The following SGCZ variants were observed in gnomAD, a reference collection of about 807,000 sequenced individuals.
SGCZ encodes zeta-sarcoglycan.
In SGCZ, 40 loss-of-function variants were observed where a neutral mutation model predicts 41.3. That is an observed-to-expected ratio of 0.97 (90% CI 0.75 to 1.26). SGCZ has a LOEUF of 1.26. Among genes scored for constraint, SGCZ ranks in the 50% most tolerant of loss-of-function variants. SGCZ has a pLI of 0.00. For missense variants in SGCZ, 552 were observed against 369.8 expected (o/e 1.49, Z -4.04); for synonymous variants, 206 against 137.5 (o/e 1.50, Z -3.49).
chr8:14,950,403 C>G (rs1467539489), intron 1 of SGCZ, among the ~76,000 whole-genome samples: 1 of 151,568 alleles, frequency 6.6e-6, no homozygotes, highest in Non-Finnish European at 1.5e-5. Flanking sequence ...GTTGTTCAGT[C>G]TTCTCCCCTC....
intron 3 of SGCZ, among the ~76,000 whole-genome samples, chr8:14,304,683 G>A (rs1024503803): frequency 5.3e-5 from 8 of 152,148 alleles, no homozygotes; most frequent in Non-Finnish European, 8.8e-5. Context: ...CTATGGTAAT[G>A]CATTATTCGT....
At chr8:15,197,102 C>G (rs1298363942) in intron 1 of SGCZ, among the ~76,000 whole-genome samples, 1 of 152,198 alleles carries the variant, frequency 6.6e-6, no homozygotes, top group African/African-American at 2.4e-5. Context: ...AGTTCAGATT[C>G]AAGGGGTAGG....
At chr8:15,029,556 A>G (rs1244809521) in intron 1 of SGCZ, among the ~76,000 whole-genome samples, 3 of 152,110 alleles carry the variant, frequency 2.0e-5, no homozygotes, top group African/African-American at 7.2e-5. Context: ...GTTAACTACA[A>G]TTTTGAAACA....
At chr8:15,223,353 A>ATG in intron 1 of SGCZ, among the ~76,000 whole-genome samples, 1 of 152,302 alleles carries the variant, frequency 6.6e-6, no homozygotes, top group East Asian at 1.9e-4. Flanking sequence ...TATCACTTCA[A>ATG]AAGTTGGCTT....
intron 1 of SGCZ, among the ~76,000 whole-genome samples, chr8:14,935,050 G>A (rs1800040962): frequency 6.7e-6 from 1 of 149,628 alleles, no homozygotes; most frequent in African/African-American, 2.5e-5. Context: ...GGTGAAAACT[G>A]AGATGATTTC....
chr8:14,513,106 C>T (rs1802513177), intron 2 of SGCZ, among the ~76,000 whole-genome samples: 1 of 152,080 alleles, frequency 6.6e-6, no homozygotes, highest in Non-Finnish European at 1.5e-5. Context: ...TGCAGTGGTG[C>T]AATCAAGCTC....
At chr8:15,095,638 A>G (rs1463979059) in intron 1 of SGCZ, among the ~76,000 whole-genome samples, 2 of 151,968 alleles carry the variant, frequency 1.3e-5, no homozygotes, top group Non-Finnish European at 2.9e-5. Context: ...CATTCTTGCA[A>G]TTGTTTTCTG....
At chr8:14,629,760 G>T (rs1459065873) in intron 1 of SGCZ, among the ~76,000 whole-genome samples, 1 of 152,108 alleles carries the variant, frequency 6.6e-6, no homozygotes, top group Non-Finnish European at 1.5e-5. Context: ...ATGGGTTTAT[G>T]AGCGTAACAA....
intron 1 of SGCZ, among the ~76,000 whole-genome samples, chr8:14,665,000 T>A (rs1807862545): frequency 6.6e-6 from 1 of 152,168 alleles, no homozygotes; most frequent in Non-Finnish European, 1.5e-5. Context: ...GGTGGGGGAA[T>A]AAATGGCATT....
At chr8:15,019,666 GAGC>G (rs1203080637) in intron 1 of SGCZ, among the ~76,000 whole-genome samples, 1 of 151,682 alleles carries the variant, frequency 6.6e-6, no homozygotes, top group African/African-American at 2.4e-5. Flanking sequence ...CTCACTCTGA[GAGC>G]AGTGCAGTCA....
intron 4 of SGCZ, among the ~76,000 whole-genome samples, chr8:14,166,916 A>G (rs10102785): frequency 0.76 from 116,181 of 152,006 alleles, 45,463 homozygotes; most frequent in Middle Eastern, 0.86. Context: ...CATCTAAGCC[A>G]TAAATAAATG....
chr8:14,873,943 A>G (rs1178389842), intron 1 of SGCZ, among the ~76,000 whole-genome samples: 4 of 152,154 alleles, frequency 2.6e-5, no homozygotes. Context: ...AAAGAAAGAT[A>G]TGAAATGCAA....
rs539773993 is a variant in SGCZ, at chr8:15,237,332, G to T, written c.39+253C>A. On this transcript the variant is annotated intron_variant, in intron 1 of 7. Transcript: ENST00000382080. ...GCCGTCACGGACCAGGAGGAGGACG[G>T]GGTGGCCGCTGGCGGGAGGAGCAGG... is the stretch of plus-strand genomic sequence containing the variant. Among the ~76,000 whole-genome samples the T allele has an allele frequency of 2.9e-3, 442 of 152,308 alleles. 2 individuals carry two copies. Among genetic ancestry groups the T allele is most frequent in the African/African-American group, 0.01 (419 of 41,588 alleles).
intron 1 of SGCZ, among the ~76,000 whole-genome samples, chr8:14,733,045 C>G (rs1401628717): frequency 6.6e-6 from 1 of 151,940 alleles, no homozygotes; most frequent in Non-Finnish European, 1.5e-5. Flanking sequence ...GCTCAGGGTT[C>G]TATCACTCCT....
intron 1 of SGCZ, among the ~76,000 whole-genome samples, chr8:14,575,512 C>T (rs1389913502): frequency 1.3e-5 from 2 of 152,146 alleles, no homozygotes; most frequent in Non-Finnish European, 2.9e-5. Context: ...AAAAGATGTT[C>T]AAATATGTTT....
chr8:15,001,374 T>C lies in SGCZ; in HGVS notation c.39+236211A>G, dbSNP rs987263070. ...CTGCTTTGCAGGAAAGTCTTGCAAGTTTACTGGGATATTTGTCACAAGGTA... is the reference window on the plus strand; with the variant it reads ...CTGCTTTGCAGGAAAGTCTTGCAAGCTTACTGGGATATTTGTCACAAGGTA... On this transcript the variant is annotated intron_variant, in intron 1 of 7. Transcript: ENST00000382080. Among the ~76,000 whole-genome samples the C allele has an allele frequency of 4.6e-5, 7 of 152,104 alleles. No homozygotes were observed. In the East Asian group the frequency reaches 1.4e-3, roughly 29 times the overall value.
At chr8:15,209,006 G>C (rs1801159038) in intron 1 of SGCZ, among the ~76,000 whole-genome samples, 1 of 151,992 alleles carries the variant, frequency 6.6e-6, no homozygotes, top group African/African-American at 2.4e-5. Context: ...GTTCTTCAGA[G>C]TGGTGTGGTA....
intron 1 of SGCZ, among the ~76,000 whole-genome samples, chr8:15,178,601 C>G (rs1203644760): frequency 6.6e-6 from 1 of 152,106 alleles, no homozygotes; most frequent in African/African-American, 2.4e-5. Context: ...TACAGCAAAC[C>G]TCTTGAACTT....
At chr8:14,975,809 A>ATATATATATGTGTG (rs1181919961) in intron 1 of SGCZ, among the ~76,000 whole-genome samples, 3,289 of 131,566 alleles carry the variant, frequency 0.025, 56 homozygotes, top group East Asian at 0.05. Flanking sequence ...ATATATATAT[A>ATATATATATGTGTG]TGTGTGTGTG....
Sources: allele counts gnomAD v4.1 joint callset (sites outside exome capture counted in the v4.1 genomes callset), GRCh38; gene constraint gnomAD v4.1.1; transcripts MANE v1.5; gene names NCBI Gene and HGNC (gene_info 2026-07-23, HGNC 2026-07-21).